Variants in CLASP2 observed in about 807,000 individuals in gnomAD.
CLASP2 encodes cytoplasmic linker associated protein 2.
In CLASP2, 47 loss-of-function variants were observed where a neutral mutation model predicts 194.4. The ratio of observed to expected loss-of-function variants is 0.24; its 90% CI spans 0.19 to 0.31. CLASP2 has a LOEUF of 0.31. Ranked by LOEUF, CLASP2 falls within the 10% of genes least tolerant of loss-of-function variation. CLASP2 has a pLI of 1.00. For missense variants in CLASP2, 1,445 were observed against 1,823.6 expected, an observed-to-expected ratio of 0.79 and a Z score of 3.78; for synonymous variants, 619 against 633.5, an observed-to-expected ratio of 0.98 and a Z score of 0.34.
At position 33,663,502 on chromosome 3, in the gene CLASP2, A is replaced by G. The variant is rs1191752986; in HGVS notation, c.658T>C (p.Phe220Leu). The change falls in exon 7 of 39, where the codon TTT becomes CTT. Residue 220 changes from phenylalanine to leucine, a missense_variant. This residue lies in a region of CLASP2 where 332 missense variants were observed against 325.3 expected (regional missense o/e 1.02). Transcript: ENST00000682230. The stretch of plus-strand genomic sequence containing the variant: ...CTTTGCACTTCATCAAATTTGGCAA[A>G]TATCATTTCTAATCTGGGAATAAAG... ...GIPPARLEMIFAKFDEVQSSG... is the reference protein window; with the variant it reads ...GIPPARLEMILAKFDEVQSSG... 4 of 1,611,196 alleles carry G rather than the reference A, an allele frequency of 2.5e-6. No homozygotes were observed. The highest frequency in any genetic ancestry group is 2.2e-5 in the East Asian group (1 of 44,760).
At chr3:33,690,213 T>C (rs1381088289) in intron 2 of CLASP2, among the ~76,000 whole-genome samples, 2 of 152,150 alleles carry the variant, frequency 1.3e-5, no homozygotes, top group East Asian at 1.9e-4. Flanking sequence ...AAGGAGGAAG[T>C]AGAATTCAAA....
At chr3:33,603,393 T>A (rs899614343) in intron 17 of CLASP2, among the ~76,000 whole-genome samples, 4 of 152,226 alleles carry the variant, frequency 2.6e-5, no homozygotes, top group Non-Finnish European at 4.4e-5. Context: ...GTAAAATTCA[T>A]AGGACTGTTT....
intron 34 of CLASP2, among the ~76,000 whole-genome samples, chr3:33,524,887 T>C (rs1464359227): frequency 6.6e-6 from 1 of 152,176 alleles, no homozygotes; most frequent in African/African-American, 2.4e-5. Flanking sequence ...ACTCTCACTA[T>C]TGGATTCTCA....
chr3:33,544,710 G>C lies in CLASP2; in HGVS notation c.3285C>G (p.Gly1095=). 6.2e-7 allele frequency: 1 copy of C among 1,611,008 alleles called. No individual in the cohort carries two copies. The highest frequency in any genetic ancestry group is 1.3e-5 in the African/African-American group (1 of 74,908). Residue 1095 remains glycine (G), a synonymous_variant, in exon 31 of 39, where the codon GGC becomes GGG. Transcript: ENST00000682230. ...AAGTAACAATTACCTGGGTTCCATT[G>C]CCAGTGTTTCGAAGGTGATTATGAA... is the stretch of plus-strand genomic sequence containing the variant. ...KLLHNHLRNT[G]NGTQSSMGSP...
Position 33,510,742 on chromosome 3 carries a change from G to A in CLASP2, c.4133C>T (p.Ala1378Val), listed in dbSNP as rs1193639018. The change falls in exon 37 of 39, where the codon GCG becomes GTG. Residue 1378 changes from alanine to valine, a missense_variant. Ala to Val is a moderately conservative substitution (Grantham distance 64, BLOSUM62 0). Transcript: ENST00000682230. ...AATTGAAGTGGCCAACACTGATGCC[G>A]CTTCCTCAGCAGATCTCACCACCTA... ...HKEVVRSAEE[A>V]ASVLATSISP... 26 of 1,610,954 alleles carry A rather than the reference G, an allele frequency of 1.6e-5. No homozygotes were observed. The highest frequency in any genetic ancestry group is 2.0e-5 in the Non-Finnish European group (24 of 1,178,500).
chr3:33,683,202 C>T (rs1035918131), intron 6 of CLASP2: 2 of 152,076 alleles, frequency 1.3e-5, no homozygotes, highest in African/African-American at 2.4e-5. Flanking sequence ...GATAATGGTA[C>T]ATAATTACAT....
rs1389675091 is a variant in CLASP2 at position 33,632,346 on chromosome 3, T to G, written c.888A>C (p.Gly296=). 1 of 1,603,560 alleles carries G rather than the reference T, an allele frequency of 6.2e-7. No individual in the cohort carries two copies. Among genetic ancestry groups the G allele is most frequent in the South Asian group, 1.1e-5 (1 of 88,046 alleles). ...TTATAAAATCATCTTCATCAACTGC[T>G]CCAGCACCTCCTTCCTTAGAAGCAC... ...VGGASKEGGA[G]AVDEDDFIKA... The change falls in exon 9 of 39, where the codon GGA becomes GGC. Residue 296 remains glycine (G), a synonymous_variant. Coordinates refer to ENST00000682230, the MANE Select transcript of CLASP2 (RefSeq NM_001365631.1).
At chr3:33,687,533 G>A (rs1161440838) in intron 4 of CLASP2, among the ~76,000 whole-genome samples, 3 of 152,270 alleles carry the variant, frequency 2.0e-5, no homozygotes, top group African/African-American at 7.2e-5. Flanking sequence ...TAAATTAAAA[G>A]ATCTTTATGC....
Position 33,538,882 on chromosome 3 carries a change from A to G in CLASP2, c.3465T>C (p.Gly1155=). 1.9e-6 allele frequency: 3 copies of G among 1,608,316 alleles called. No homozygotes were observed. The highest frequency in any genetic ancestry group is 2.5e-6 in the Non-Finnish European group (3 of 1,177,104). The change falls in exon 33 of 39, where the codon GGT becomes GGC. Residue 1155 remains glycine (G), a synonymous_variant. Coordinates refer to ENST00000682230, the MANE Select transcript of CLASP2 (RefSeq NM_001365631.1). ...NSEDIYSSLR[G]VTEAIQNFSF... ...TGAAATTCTGGATTGCTTCAGTGAC[A>G]CCTCTAAGAGAGCTATAAATATCTT...
intron 26 of CLASP2, among the ~76,000 whole-genome samples, chr3:33,568,767 G>T (rs1333018768): frequency 6.6e-6 from 1 of 151,956 alleles, no homozygotes; most frequent in Non-Finnish European, 1.5e-5. Context: ...TGCTGAGTCT[G>T]ATATAGAACA....
intron 6 of CLASP2, among the ~76,000 whole-genome samples, chr3:33,671,081 C>A (rs1291774588): frequency 2.8e-4 from 42 of 152,070 alleles, no homozygotes; most frequent in Non-Finnish European, 2.9e-5. Context: ...CTCCTATACC[C>A]TTCCACCTGA....
chr3:33,565,039 CCT>C (rs2062445688), intron 27 of CLASP2, among the ~76,000 whole-genome samples: 1 of 152,138 alleles, frequency 6.6e-6, no homozygotes, highest in African/African-American at 2.4e-5. Flanking sequence ...CTCTGCCACC[CCT>C]GAGATAGCAA....
At chr3:33,662,898 A>C (rs1383916588) in intron 7 of CLASP2, among the ~76,000 whole-genome samples, 1 of 152,100 alleles carries the variant, frequency 6.6e-6, no homozygotes, top group African/African-American at 2.4e-5. Flanking sequence ...AAATCAAATC[A>C]ATACCAGATA....
intron 7 of CLASP2, among the ~76,000 whole-genome samples, chr3:33,653,165 G>A (rs2083510728): frequency 6.6e-6 from 1 of 152,080 alleles, no homozygotes; most frequent in Non-Finnish European, 1.5e-5. Flanking sequence ...CTCAATATTA[G>A]GATCACAAAG....
intron 4 of CLASP2, 136 bp downstream of exon 4, chr3:33,688,141 A>G (rs2090925033): frequency 5.1e-6 from 3 of 584,956 alleles, no homozygotes; most frequent in Admixed American, 3.6e-5. Flanking sequence ...ATGAACAGTA[A>G]AGGTATCAAA....
In CLASP2 at chr3:33,684,364, A is replaced by C; in HGVS notation, c.639T>G (p.Pro213=). 6.4e-7 allele frequency: 1 copy of C among 1,573,820 alleles called. No individual in the cohort carries two copies. Among genetic ancestry groups the C allele is most frequent in the Non-Finnish European group, 8.6e-7 (1 of 1,160,360 alleles). The change falls in exon 6 of 39, where the codon CCT becomes CCG. Residue 213 remains proline, a synonymous_variant. Transcript: ENST00000682230. ...RMDLYKRGIP[P]ARLEMIFAKF... is the part of the protein sequence containing the mutation. The stretch of plus-strand genomic sequence containing the variant: ...CCAAATTTAGCAAGACTTACCTAGC[A>C]GGGGGAATTCCTCTCTTATAAAGAT...
At chr3:33,621,882 T>C (rs559390514) in intron 11 of CLASP2, among the ~76,000 whole-genome samples, 10 of 152,262 alleles carry the variant, frequency 6.6e-5, no homozygotes, top group Admixed American at 2.0e-4. Context: ...ACTTGAAGAA[T>C]TAATGATAAA....
intron 3 of CLASP2, 42 bp downstream of exon 3, chr3:33,689,787 G>T: frequency 7.3e-7 from 1 of 1,375,628 alleles, no homozygotes; most frequent in Non-Finnish European, 9.8e-7. Context: ...GATTTCCTGT[G>T]ATTACCATTA....
In CLASP2 at chr3:33,687,120, T is replaced by C; in HGVS notation, c.486A>G (p.Pro162=). Residue 162 remains proline, a synonymous_variant, in exon 5 of 39, where the codon CCA becomes CCG. Coordinates refer to ENST00000682230, the MANE Select transcript of CLASP2 (RefSeq NM_001365631.1). ...GTGGTATCAATTTGCTGATGACTAGTGGCTGAGCCCCAAAACTAAATATAA... is the reference window on the plus strand; with the variant it reads ...GTGGTATCAATTTGCTGATGACTAGCGGCTGAGCCCCAAAACTAAATATAA... ...IETLNIFGAQ[P]LVISKLIPHL... 1 of 1,597,842 alleles carries C rather than the reference T, an allele frequency of 6.3e-7. No homozygotes were observed. The highest frequency in any genetic ancestry group is 1.3e-5 in the African/African-American group (1 of 74,514).
Sources: gnomAD v4.1 joint callset for allele counts (sites outside exome capture counted in the v4.1 genomes callset) on GRCh38, gnomAD v4.1.1 for gene constraint, gnomAD v4.1.1 regional missense constraint, MANE v1.5 for transcripts, NCBI Gene and HGNC (gene_info 2026-07-23, HGNC 2026-07-21) for gene names.